The following ITFG1 variants were observed in gnomAD, a reference collection of about 807,000 sequenced individuals.
ITFG1 encodes T-cell immunomodulatory protein.
ITFG1 carries 34 observed loss-of-function variants against 81.8 expected under a neutral mutation model. The observed-to-expected ratio is 0.42, with a 90% CI of 0.32 to 0.55. ITFG1 has a LOEUF of 0.55. Among genes scored for constraint, ITFG1 ranks in the 20% least tolerant of loss-of-function variants. The pLI, the probability that ITFG1 is intolerant of heterozygous loss-of-function variation, is 0.17. For synonymous variants in ITFG1, 285 were observed against 270.6 expected, an observed-to-expected ratio of 1.05 and a Z score of -0.52; for missense variants, 672 against 755.4, an observed-to-expected ratio of 0.89 and a Z score of 1.29.
At chr16:47,403,762 A>G (rs996822489) in intron 6 of ITFG1, among the ~76,000 whole-genome samples, 2 of 21,470 alleles carry the variant, frequency 9.3e-5, no homozygotes, top group African/African-American at 4.5e-4. Context: ...CTCTCTTGGT[A>G]CACACACACA....
At chr16:47,164,208 C>A (rs933757338) in intron 14 of ITFG1, among the ~76,000 whole-genome samples, 6 of 145,096 alleles carry the variant, frequency 4.1e-5, no homozygotes, top group Non-Finnish European at 7.5e-5. Flanking sequence ...GTAGTGAATT[C>A]TGTGGATTCT....
intron 8 of ITFG1, among the ~76,000 whole-genome samples, chr16:47,364,590 A>G (rs1193997108): frequency 6.6e-6 from 1 of 152,222 alleles, no homozygotes; most frequent in East Asian, 1.9e-4. Flanking sequence ...CCAAAAAATA[A>G]CATCATGTGT....
At position 47,158,956 on chromosome 16, in the gene ITFG1, T is replaced by C. The variant is rs748602723; in HGVS notation, c.1696A>G (p.Ile566Val). 2 of 1,591,542 alleles carry C rather than the reference T, an allele frequency of 1.3e-6. No individual in the cohort carries two copies. The highest frequency in any genetic ancestry group is 3.5e-5 in the Admixed American group (2 of 56,768). ...SAKLYLTPSN[I>V]VLLTAIALIG... ...AGAGCTATAGCAGTAAGCAGAACAA[T>C]ATTACTTGGTGTAAGATACAGTTTG... Residue 566 changes from isoleucine (I) to valine (V), a missense_variant, in exon 17 of 18, where the codon ATT (isoleucine) becomes GTT (valine). Physicochemically the swap from Ile to Val is conservative, Grantham distance 29. Around this residue, in one of 3 missense-constraint regions of ITFG1, gnomAD observed 65 missense variants for 103.3 expected, o/e 0.63. Coordinates refer to ENST00000320640, the MANE Select transcript of ITFG1 (RefSeq NM_030790.5).
chr16:47,257,843 AAAAG>A (rs2151541248), intron 12 of ITFG1, among the ~76,000 whole-genome samples: 2 of 152,314 alleles, frequency 1.3e-5, no homozygotes, highest in East Asian at 3.9e-4. Flanking sequence ...GTTCTCTACT[AAAAG>A]AGAGAAATGT....
At chr16:47,290,769 T>C (rs1337214837) in intron 10 of ITFG1, among the ~76,000 whole-genome samples, 3 of 152,162 alleles carry the variant, frequency 2.0e-5, no homozygotes, top group African/African-American at 7.2e-5. Flanking sequence ...AGTCAGTCTG[T>C]ATCTTTTAAG....
chr16:47,245,890 G>A (rs1367405762), intron 12 of ITFG1, among the ~76,000 whole-genome samples: 1 of 151,290 alleles, frequency 6.6e-6, no homozygotes. Flanking sequence ...CCATACTCAC[G>A]GTCACAAGGT....
At chr16:47,268,499 C>A (rs1966303213) in intron 10 of ITFG1, among the ~76,000 whole-genome samples, 1 of 152,326 alleles carries the variant, frequency 6.6e-6, no homozygotes, top group South Asian at 2.1e-4. Flanking sequence ...TACTTCCCAA[C>A]TCATCCTGTG....
intron 12 of ITFG1, among the ~76,000 whole-genome samples, chr16:47,254,952 C>A (rs1395042803): frequency 1.3e-5 from 2 of 152,036 alleles, no homozygotes; most frequent in African/African-American, 2.4e-5. Context: ...CGAGGCATGG[C>A]AGCACATGTC....
chr16:47,349,123 C>T (rs901921953), intron 8 of ITFG1, among the ~76,000 whole-genome samples: 4 of 152,236 alleles, frequency 2.6e-5, no homozygotes, highest in Non-Finnish European at 4.4e-5. Context: ...ATTGTAAAGA[C>T]CACTGATGCT....
chr16:47,216,334 C>T (rs956439023), intron 14 of ITFG1, among the ~76,000 whole-genome samples: 2 of 152,142 alleles, frequency 1.3e-5, no homozygotes, highest in African/African-American at 4.8e-5. Flanking sequence ...GCTGGGACTA[C>T]AGGCATGTGC....
intron 7 of ITFG1, among the ~76,000 whole-genome samples, chr16:47,374,272 G>A (rs1392871317): frequency 6.6e-6 from 1 of 152,048 alleles, no homozygotes; most frequent in African/African-American, 2.4e-5. Flanking sequence ...TACTGATCCA[G>A]CCCTTTATAA....
At chr16:47,389,524 T>C (rs1025963812) in intron 6 of ITFG1, among the ~76,000 whole-genome samples, 2 of 152,178 alleles carry the variant, frequency 1.3e-5, no homozygotes, top group African/African-American at 4.8e-5. Context: ...AGAAGGTTAA[T>C]ATAATAAACA....
At chr16:47,354,709 A>G (rs1448395747) in intron 8 of ITFG1, among the ~76,000 whole-genome samples, 3 of 152,146 alleles carry the variant, frequency 2.0e-5, no homozygotes, top group Admixed American at 6.6e-5. Context: ...ACCAAAAAAA[A>G]TTGTGATTAA....
chr16:47,408,597 T>C (rs964899707), intron 6 of ITFG1, among the ~76,000 whole-genome samples: 3 of 152,140 alleles, frequency 2.0e-5, no homozygotes, highest in African/African-American at 7.2e-5. Flanking sequence ...CTCAGGGCCA[T>C]AGTCAGAACC....
chr16:47,194,703 AAT>A (rs199836512), intron 14 of ITFG1, among the ~76,000 whole-genome samples: 5 of 151,198 alleles, frequency 3.3e-5, no homozygotes, highest in Non-Finnish European at 3.0e-5. Flanking sequence ...TTTTCTACTT[AAT>A]ATATATATAT....
At chr16:47,228,036 GGT>G (rs1470822150) in intron 13 of ITFG1, among the ~76,000 whole-genome samples, 1 of 152,018 alleles carries the variant, frequency 6.6e-6, no homozygotes, top group East Asian at 1.9e-4. Context: ...CTTTAATTTT[GGT>G]TATTTTCCAA....
At chr16:47,375,815 A>C in intron 7 of ITFG1, 61 bp downstream of exon 7, 1 of 1,018,652 alleles carries the variant, frequency 9.8e-7, no homozygotes, top group East Asian at 2.4e-5. Context: ...TTATTTTCTA[A>C]AATTGTGTGC....
chr16:47,441,070 A>G (rs1216257060), intron 5 of ITFG1, among the ~76,000 whole-genome samples: 1 of 152,224 alleles, frequency 6.6e-6, no homozygotes, highest in Non-Finnish European at 1.5e-5. Context: ...AATAAACTAG[A>G]AAATCTAGAA....
chr16:47,388,514 CAG>C (rs1968490878), intron 6 of ITFG1, among the ~76,000 whole-genome samples: 1 of 152,216 alleles, frequency 6.6e-6, no homozygotes, highest in African/African-American at 2.4e-5. Context: ...GACTTCTCAT[CAG>C]AAACAATGAA....
Sources: allele counts gnomAD v4.1 joint callset (sites outside exome capture counted in the v4.1 genomes callset), GRCh38; gene constraint gnomAD v4.1.1; regional missense constraint gnomAD v4.1.1; transcripts MANE v1.5; gene names NCBI Gene and HGNC (gene_info 2026-07-23, HGNC 2026-07-21).